The following SUGCT variants were observed in gnomAD, a reference collection of about 807,000 sequenced individuals.
SUGCT encodes succinyl-CoA:glutarate CoA-transferase.
In SUGCT, 41 loss-of-function variants were observed where a neutral mutation model predicts 55.0. The observed-to-expected ratio is 0.74, with a 90% CI of 0.58 to 0.97. The LOEUF is 0.97. Among genes scored for constraint, SUGCT ranks in the 50% least tolerant of loss-of-function variants. The pLI is 0.00. For synonymous variants in SUGCT, 187 were observed against 200.4 expected, an observed-to-expected ratio of 0.93 and a Z score of 0.56; for missense variants, 568 against 547.8, an observed-to-expected ratio of 1.04 and a Z score of -0.37.
At chr7:40,203,876 G>T (rs770029774) in intron 6 of SUGCT, among the ~76,000 whole-genome samples, 12 of 152,032 alleles carry the variant, frequency 7.9e-5, no homozygotes, top group Non-Finnish European at 1.8e-4. Context: ...AAGTGAAAAG[G>T]TTAACTTTTT....
At chr7:40,296,849 T>A (rs1264436380) in intron 8 of SUGCT, among the ~76,000 whole-genome samples, 1 of 152,110 alleles carries the variant, frequency 6.6e-6, no homozygotes, top group Non-Finnish European at 1.5e-5. Context: ...TATAGGCCTC[T>A]AGAGTAGTGG....
chr7:40,625,136 C>T (rs146805992), intron 12 of SUGCT, among the ~76,000 whole-genome samples: 28 of 152,254 alleles, frequency 1.8e-4, no homozygotes, highest in African/African-American at 4.6e-4. Context: ...TGCACATTCT[C>T]GGACCTATTC....
chr7:40,937,737 C>T, the SUGCT span, among the ~76,000 whole-genome samples: 20,224 of 152,068 alleles, frequency 0.13, 1,443 homozygotes, highest in South Asian at 0.23. Flanking sequence ...TTGGTTACCG[C>T]GTGGATAGTA....
intron 12 of SUGCT, among the ~76,000 whole-genome samples, chr7:40,522,599 A>G (rs1366807088): frequency 6.6e-6 from 1 of 152,126 alleles, no homozygotes; most frequent in Non-Finnish European, 1.5e-5. Flanking sequence ...AGAAATGTTA[A>G]TTTGGAGAAA....
At chr7:40,875,897 C>T in the SUGCT span, among the ~76,000 whole-genome samples, 1 of 152,136 alleles carries the variant, frequency 6.6e-6, no homozygotes, top group African/African-American at 2.4e-5. Context: ...TCTTACTGAA[C>T]ATGAACAAGA....
At chr7:40,929,393 T>A in the SUGCT span, among the ~76,000 whole-genome samples, 1 of 152,314 alleles carries the variant, frequency 6.6e-6, no homozygotes, top group African/African-American at 2.4e-5. Context: ...CACGTGTGCA[T>A]GTGTCTTTAT....
the SUGCT span, among the ~76,000 whole-genome samples, chr7:40,886,101 G>A: frequency 1.3e-5 from 2 of 152,178 alleles, no homozygotes; most frequent in Non-Finnish European, 2.9e-5. Flanking sequence ...CAAGGAATAT[G>A]GAGAGTCATG....
the SUGCT span, among the ~76,000 whole-genome samples, chr7:40,903,505 C>T: frequency 7.2e-5 from 11 of 152,238 alleles, no homozygotes; most frequent in East Asian, 3.9e-4. Flanking sequence ...CTTCCTTGGC[C>T]GTCGTTGGAA....
chr7:40,889,765 T>G, the SUGCT span, among the ~76,000 whole-genome samples: 1 of 152,298 alleles, frequency 6.6e-6, no homozygotes, highest in East Asian at 1.9e-4. Flanking sequence ...TCTATTCCAC[T>G]GGACCTTTTA....
intron 12 of SUGCT, among the ~76,000 whole-genome samples, chr7:40,674,363 C>T (rs1269514228): frequency 6.6e-6 from 1 of 152,188 alleles, no homozygotes; most frequent in Non-Finnish European, 1.5e-5. Context: ...AGAATAAGTC[C>T]TTTAAGGATG....
At chr7:40,304,717 TAGA>T (rs1476643833) in intron 8 of SUGCT, among the ~76,000 whole-genome samples, 2 of 81,812 alleles carry the variant, frequency 2.4e-5, no homozygotes, top group Non-Finnish European at 4.4e-5. Context: ...TTACTTCACT[TAGA>T]ATAATAATAA....
chr7:40,582,039 A>G (rs1320974081), intron 12 of SUGCT, among the ~76,000 whole-genome samples: 1 of 152,188 alleles, frequency 6.6e-6, no homozygotes, highest in Non-Finnish European at 1.5e-5. Context: ...GAAAGTATTG[A>G]ACAGGGACAT....
the SUGCT span, among the ~76,000 whole-genome samples, chr7:41,018,908 C>CT: frequency 0.094 from 13,276 of 141,592 alleles, 1,288 homozygotes; most frequent in African/African-American, 0.23. Context: ...CTAATATATT[C>CT]TTTTTTTTTT....
At chr7:40,334,543 A>T (rs912972793) in intron 9 of SUGCT, among the ~76,000 whole-genome samples, 2 of 152,200 alleles carry the variant, frequency 1.3e-5, no homozygotes, top group Admixed American at 6.5e-5. Context: ...GGCTGCATAA[A>T]TGTCTTCTTT....
chr7:40,464,659 A>G (rs1790002765), intron 11 of SUGCT, among the ~76,000 whole-genome samples: 1 of 152,186 alleles, frequency 6.6e-6, no homozygotes, highest in Admixed American at 6.5e-5. Flanking sequence ...GCAAGACCCT[A>G]TGTTGCTACA....
intron 12 of SUGCT, among the ~76,000 whole-genome samples, chr7:40,676,504 GTT>G (rs70990639): frequency 2.6e-4 from 34 of 129,072 alleles, no homozygotes; most frequent in Admixed American, 3.1e-4. Flanking sequence ...TTTGTTTTTT[GTT>G]TTTTTTTTTT....
intron 12 of SUGCT, among the ~76,000 whole-genome samples, chr7:40,589,099 G>A (rs1797567600): frequency 6.6e-6 from 1 of 151,952 alleles, no homozygotes; most frequent in Non-Finnish European, 1.5e-5. Context: ...TGTCATAGCA[G>A]CTTGTCACTC....
chr7:40,888,833 G>A, the SUGCT span, among the ~76,000 whole-genome samples: 1 of 152,178 alleles, frequency 6.6e-6, no homozygotes, highest in African/African-American at 2.4e-5. Flanking sequence ...CTACTCCCGA[G>A]TATGCATTGG....
At chr7:40,306,916 T>A (rs942807857) in intron 8 of SUGCT, among the ~76,000 whole-genome samples, 1 of 152,234 alleles carries the variant, frequency 6.6e-6, no homozygotes. Flanking sequence ...GCATTTGATA[T>A]CCAGTTTCCT....
Sources: allele counts gnomAD v4.1 joint callset (sites outside exome capture counted in the v4.1 genomes callset), GRCh38; gene constraint gnomAD v4.1.1; transcripts MANE v1.5; gene names NCBI Gene and HGNC (gene_info 2026-07-23, HGNC 2026-07-21).